Variants in SPAG16 observed in about 807,000 individuals in gnomAD.
SPAG16 encodes the protein sperm-associated antigen 16 protein.
A neutral mutation model predicts 80.4 loss-of-function variants in SPAG16; 86 were observed. That is an observed-to-expected ratio of 1.07 (90% CI 0.90 to 1.28). The LOEUF is 1.28. Ranked by LOEUF, SPAG16 falls within the 50% of genes most tolerant of loss-of-function variation. The probability of loss-of-function intolerance (pLI) is 0.00; values close to 1 mark genes in which losing one functional copy is unlikely to be tolerated. For missense variants in SPAG16, 870 were observed against 765.3 expected (o/e 1.14, Z -1.61); for synonymous variants, 294 against 265.9 (o/e 1.11, Z -1.03).
chr2:214,001,602 C>CA (rs1366863051), intron 12 of SPAG16, among the ~76,000 whole-genome samples: 1 of 152,120 alleles, frequency 6.6e-6, no homozygotes, highest in Non-Finnish European at 1.5e-5. Context: ...TGTGACATTT[C>CA]ACTTTTAGCT....
intron 9 of SPAG16, among the ~76,000 whole-genome samples, chr2:213,453,126 A>C (rs1221366371): frequency 1.3e-5 from 2 of 152,136 alleles, no homozygotes; most frequent in African/African-American, 4.8e-5. Flanking sequence ...TTTTCTTAGA[A>C]CATTGCCTCA....
At chr2:214,055,475 T>C (rs934221016) in intron 13 of SPAG16, among the ~76,000 whole-genome samples, 58 of 152,154 alleles carry the variant, frequency 3.8e-4, no homozygotes, top group African/African-American at 1.4e-3. Flanking sequence ...TTTTAACCTG[T>C]CAAAAATGAA....
At chr2:214,256,939 T>C (rs1690732530) in intron 15 of SPAG16, among the ~76,000 whole-genome samples, 1 of 151,998 alleles carries the variant, frequency 6.6e-6, no homozygotes, top group African/African-American at 2.4e-5. Flanking sequence ...TTTTAACATC[T>C]TGTCAATTTG....
chr2:213,533,643 GTAT>G (rs2076147736), intron 10 of SPAG16, among the ~76,000 whole-genome samples: 1 of 152,064 alleles, frequency 6.6e-6, no homozygotes, highest in Non-Finnish European at 1.5e-5. Context: ...TATTTCACCT[GTAT>G]TTTTTAGGAA....
intron 15 of SPAG16, among the ~76,000 whole-genome samples, chr2:214,208,250 G>A (rs909446896): frequency 2.5e-4 from 38 of 152,098 alleles, no homozygotes; most frequent in African/African-American, 9.2e-4. Flanking sequence ...TTAAAAACCT[G>A]TGTTGCTATT....
chr2:214,177,184 A>G (rs941922433), intron 15 of SPAG16, among the ~76,000 whole-genome samples: 1 of 151,194 alleles, frequency 6.6e-6, no homozygotes, highest in Non-Finnish European at 1.5e-5. Flanking sequence ...CCTATTAGAC[A>G]CCTAGACCCT....
intron 12 of SPAG16, among the ~76,000 whole-genome samples, chr2:213,962,534 T>C (rs2044499697): frequency 6.6e-6 from 1 of 152,158 alleles, no homozygotes; most frequent in Non-Finnish European, 1.5e-5. Context: ...TATGTGTGTA[T>C]ACAGAGAAAA....
At chr2:213,786,685 T>A (rs1212719112) in intron 10 of SPAG16, among the ~76,000 whole-genome samples, 1 of 152,154 alleles carries the variant, frequency 6.6e-6, no homozygotes, top group Non-Finnish European at 1.5e-5. Flanking sequence ...AAAAGCTCTA[T>A]GAATAATAGT....
At chr2:213,649,412 G>T (rs1162754204) in intron 10 of SPAG16, among the ~76,000 whole-genome samples, 2 of 152,204 alleles carry the variant, frequency 1.3e-5, no homozygotes, top group Non-Finnish European at 2.9e-5. Flanking sequence ...CGCAATGTTT[G>T]CAGTAGTTAT....
chr2:213,682,215 C>T (rs1462345226), intron 10 of SPAG16, among the ~76,000 whole-genome samples: 1 of 152,158 alleles, frequency 6.6e-6, no homozygotes, highest in Non-Finnish European at 1.5e-5. Flanking sequence ...GAATTTTACA[C>T]CTGCATAGAC....
chr2:214,281,478 C>T (rs570637084), intron 15 of SPAG16: 10 of 161,830 alleles, frequency 6.2e-5, no homozygotes, highest in South Asian at 1.7e-4. Context: ...CCCACGTCTG[C>T]GGCTTGGCAG....
At chr2:214,175,844 T>C (rs924838353) in intron 15 of SPAG16, among the ~76,000 whole-genome samples, 39 of 151,430 alleles carry the variant, frequency 2.6e-4, no homozygotes, top group African/African-American at 8.2e-4. Context: ...AAATTTTGAA[T>C]CCTTCAGTAG....
intron 12 of SPAG16, among the ~76,000 whole-genome samples, chr2:213,997,163 C>A (rs2046561914): frequency 6.6e-6 from 1 of 152,126 alleles, no homozygotes; most frequent in South Asian, 2.1e-4. Flanking sequence ...CTTCACATAA[C>A]CCACACTTTC....
At chr2:214,040,367 G>A (rs933498106) in intron 13 of SPAG16, among the ~76,000 whole-genome samples, 5 of 152,070 alleles carry the variant, frequency 3.3e-5, no homozygotes, top group African/African-American at 1.2e-4. Flanking sequence ...TTGTGTCATA[G>A]GGGTTTGTTT....
rs117796618 is a variant in SPAG16 at position 213,838,712 on chromosome 2, C to G, written c.1071-23773C>G. ...GACTGAGGAAAGCAGAAACAGAGCA[C>G]AAGAAGCTGATTGGCTGTTTCAAAA... On this transcript the variant is annotated intron_variant, in intron 10 of 15. Coordinates refer to ENST00000331683, the MANE Select transcript of SPAG16 (RefSeq NM_024532.5). Among the ~76,000 whole-genome samples the G allele has an allele frequency of 2.0e-5, 3 of 152,306 alleles. No homozygotes were observed. In the East Asian group the frequency reaches 5.8e-4, roughly 29 times the overall value.
intron 12 of SPAG16, among the ~76,000 whole-genome samples, chr2:214,009,139 A>C (rs560386477): frequency 6.6e-6 from 1 of 152,254 alleles, no homozygotes; most frequent in East Asian, 1.9e-4. Context: ...ATCTTACTCT[A>C]TGAAAATGCC....
Position 214,012,277 on chromosome 2 carries a change from TATATATATA to T in SPAG16, c.1401-1673_1401-1665del, listed in dbSNP as rs1336661735. 1.3e-3 allele frequency among the ~76,000 whole-genome samples: 76 copies of T among 56,334 alleles called. 2 individuals carry two copies. The highest frequency in any genetic ancestry group is 3.5e-3 in the East Asian group (7 of 1,992). 37.0% of individuals were successfully genotyped at this position (56,334 alleles called of 152,430 possible). On this transcript the variant is annotated intron_variant, in intron 12 of 15. Coordinates refer to ENST00000331683, the MANE Select transcript of SPAG16 (RefSeq NM_024532.5). ...ATACTTACATATATATATATATATA[TATATATATA>T]TATTTTTTTTTTTTTTTTTTTTTCC...
At chr2:214,004,186 A>C (rs2046923094) in intron 12 of SPAG16, among the ~76,000 whole-genome samples, 1 of 152,190 alleles carries the variant, frequency 6.6e-6, no homozygotes, top group East Asian at 1.9e-4. Context: ...TAAAGTGGTA[A>C]GATCAGGTGG....
chr2:213,813,950 G>T (rs1027715418), intron 10 of SPAG16, among the ~76,000 whole-genome samples: 1 of 152,082 alleles, frequency 6.6e-6, no homozygotes, highest in African/African-American at 2.4e-5. Context: ...CTAGGATCGG[G>T]GCTTTGAAAA....
Sources: allele counts gnomAD v4.1 joint callset (sites outside exome capture counted in the v4.1 genomes callset), GRCh38; gene constraint gnomAD v4.1.1; transcripts MANE v1.5; gene names NCBI Gene and HGNC (gene_info 2026-07-23, HGNC 2026-07-21).